NLK: variants seen among roughly 807,000 people sequenced by gnomAD.
NLK encodes the protein nemo like kinase, also known as serine/threonine-protein kinase NLK.
Under a neutral mutation model 59.0 loss-of-function variants are expected in NLK, and 11 were observed. That is an observed-to-expected ratio of 0.19 (90% CI 0.12 to 0.31). The LOEUF (loss-of-function observed/expected upper bound fraction) is 0.31. Among genes scored for constraint, NLK ranks in the 10% least tolerant of loss-of-function variants. NLK has a pLI of 1.00. For missense variants in NLK, 410 were observed against 661.1 expected, an observed-to-expected ratio of 0.62 and a Z score of 4.16; for synonymous variants, 235 against 235.9, an observed-to-expected ratio of 1.00 and a Z score of 0.03.
chr17:28,057,044 TC>T (rs1307158423), intron 1 of NLK, among the ~76,000 whole-genome samples: 21 of 139,410 alleles, frequency 1.5e-4, no homozygotes, highest in African/African-American at 5.4e-4. Flanking sequence ...AACCTCCGCC[TC>T]CCGGGTTCAA....
At chr17:28,146,484 C>A (rs903469115) in intron 3 of NLK, among the ~76,000 whole-genome samples, 2 of 152,070 alleles carry the variant, frequency 1.3e-5, no homozygotes, top group Non-Finnish European at 2.9e-5. Context: ...ATTCTAAATC[C>A]TAGCAGTAAC....
intron 3 of NLK, among the ~76,000 whole-genome samples, chr17:28,134,768 C>A (rs1906668798): frequency 6.6e-6 from 1 of 152,248 alleles, no homozygotes; most frequent in South Asian, 2.1e-4. Flanking sequence ...TGGTTCCTGG[C>A]TGACAAGAAT....
At chr17:28,166,419 G>A (rs966862646) in intron 5 of NLK, among the ~76,000 whole-genome samples, 2 of 152,090 alleles carry the variant, frequency 1.3e-5, no homozygotes, top group Non-Finnish European at 2.9e-5. Flanking sequence ...TCAGAAAGAG[G>A]GGATTGCCAA....
intron 3 of NLK, among the ~76,000 whole-genome samples, chr17:28,152,012 G>A (rs1907500636): frequency 6.6e-6 from 1 of 152,134 alleles, no homozygotes; most frequent in Admixed American, 6.5e-5. Flanking sequence ...TTGATATCTG[G>A]TAATACTTTG....
chr17:28,077,878 C>T (rs535501486), intron 1 of NLK, among the ~76,000 whole-genome samples: 5 of 152,014 alleles, frequency 3.3e-5, no homozygotes, highest in African/African-American at 9.7e-5. Context: ...TCATAAGTTT[C>T]GAAGAAAGAG....
intron 1 of NLK, among the ~76,000 whole-genome samples, chr17:28,072,385 G>A (rs933525033): frequency 1.4e-5 from 2 of 144,532 alleles, no homozygotes; most frequent in South Asian, 2.2e-4. Context: ...GAGTGCAGAT[G>A]TGCGGTTACG....
intron 3 of NLK, among the ~76,000 whole-genome samples, chr17:28,141,602 GAAGT>G (rs1327858299): frequency 1.3e-5 from 2 of 152,156 alleles, no homozygotes; most frequent in Non-Finnish European, 2.9e-5. Flanking sequence ...TCTAGATATG[GAAGT>G]AAGTTTTTCA....
At chr17:28,082,633 T>C (rs1910386985) in intron 1 of NLK, among the ~76,000 whole-genome samples, 1 of 152,122 alleles carries the variant, frequency 6.6e-6, no homozygotes, top group Non-Finnish European at 1.5e-5. Flanking sequence ...GCAGGATCAG[T>C]TTGGATTGTG....
At chr17:28,058,992 G>A (rs1318207397) in intron 1 of NLK, among the ~76,000 whole-genome samples, 1 of 152,122 alleles carries the variant, frequency 6.6e-6, no homozygotes, top group Admixed American at 6.5e-5. Flanking sequence ...TGGACATGGT[G>A]GAGTGTGCCT....
At chr17:28,156,919 G>T (rs1171215715) in intron 3 of NLK, among the ~76,000 whole-genome samples, 1 of 151,840 alleles carries the variant, frequency 6.6e-6, no homozygotes, top group African/African-American at 2.4e-5. Flanking sequence ...CAAAACCGTG[G>T]TTTTTTTTCT....
At chr17:28,124,020 T>C (rs1906188099) in intron 2 of NLK, among the ~76,000 whole-genome samples, 1 of 152,232 alleles carries the variant, frequency 6.6e-6, no homozygotes, top group South Asian at 2.1e-4. Flanking sequence ...GGTCTCACTT[T>C]AAGAAGCAAA....
At chr17:28,102,037 A>T (rs1904919758) in intron 1 of NLK, among the ~76,000 whole-genome samples, 1 of 152,154 alleles carries the variant, frequency 6.6e-6, no homozygotes, top group Non-Finnish European at 1.5e-5. Flanking sequence ...TCACTTATAG[A>T]CAGCATATGA....
intron 1 of NLK, among the ~76,000 whole-genome samples, chr17:28,057,144 G>A (rs1213098541): frequency 2.0e-5 from 3 of 151,698 alleles, no homozygotes; most frequent in Non-Finnish European, 4.4e-5. Context: ...TAGTAGAGAG[G>A]GGGTTTCTCC....
At chr17:28,075,251 T>A (rs991457289) in intron 1 of NLK, among the ~76,000 whole-genome samples, 2 of 152,190 alleles carry the variant, frequency 1.3e-5, no homozygotes, top group African/African-American at 4.8e-5. Flanking sequence ...AAAAGAAACC[T>A]CTCTCTAAGG....
downstream of NLK, among the ~76,000 whole-genome samples, chr17:28,200,737 G>T (rs1247502645): frequency 5.3e-5 from 8 of 152,200 alleles, no homozygotes; most frequent in African/African-American, 1.7e-4. Flanking sequence ...ACCCGCCTTG[G>T]CCTCCCAAAT....
At chr17:28,178,898 C>T (rs556385986) in intron 7 of NLK, among the ~76,000 whole-genome samples, 117 of 152,264 alleles carry the variant, frequency 7.7e-4, no homozygotes, top group African/African-American at 2.7e-3. Context: ...CTAATAGGAA[C>T]GTCTGCTCGG....
the NLK span, among the ~76,000 whole-genome samples, chr17:28,204,436 G>A: frequency 1.3e-5 from 2 of 152,210 alleles, no homozygotes; most frequent in African/African-American, 2.4e-5. Flanking sequence ...CTGGACTGTG[G>A]TGGGATAGGA....
chr17:28,110,704 ATATGTAC>A (rs1355544370), intron 1 of NLK, among the ~76,000 whole-genome samples: 1 of 151,518 alleles, frequency 6.6e-6, no homozygotes, highest in East Asian at 1.9e-4. Context: ...TTCGTTTCTA[ATATGTAC>A]TTTTCTCTAG....
At chr17:28,068,592 T>G (rs919498313) in intron 1 of NLK, among the ~76,000 whole-genome samples, 1 of 152,236 alleles carries the variant, frequency 6.6e-6, no homozygotes, top group African/African-American at 2.4e-5. Flanking sequence ...TAAATATCCT[T>G]TTGTTTTTAA....
Sources: gnomAD v4.1 joint callset for allele counts (sites outside exome capture counted in the v4.1 genomes callset) on GRCh38, gnomAD v4.1.1 for gene constraint, MANE v1.5 for transcripts, NCBI Gene and HGNC (gene_info 2026-07-23, HGNC 2026-07-21) for gene names.